Variants in XKR9 observed in about 807,000 individuals in gnomAD.
The protein encoded by XKR9 is XK related 9.
Under a neutral mutation model 32.0 loss-of-function variants are expected in XKR9, and 32 were observed. The ratio of observed to expected loss-of-function variants is 1.00; its 90% CI spans 0.76 to 1.34. XKR9 has a LOEUF of 1.34. Among genes scored for constraint, XKR9 ranks in the 40% most tolerant of loss-of-function variants. The probability of loss-of-function intolerance (pLI) is 0.00; values close to 1 mark genes in which losing one functional copy is unlikely to be tolerated. For synonymous variants in XKR9, 168 were observed against 143.4 expected, an observed-to-expected ratio of 1.17 and a Z score of -1.22; for missense variants, 546 against 429.7, an observed-to-expected ratio of 1.27 and a Z score of -2.39.
At chr8:71,031,248 T>A in the XKR9 span, among the ~76,000 whole-genome samples, 1 of 152,220 alleles carries the variant, frequency 6.6e-6, no homozygotes, top group South Asian at 2.1e-4. Context: ...ATTTTTATAA[T>A]GGATTTTTAT....
chr8:70,767,593 T>C (rs1183068998), intron 2 of XKR9, among the ~76,000 whole-genome samples: 1 of 149,744 alleles, frequency 6.7e-6, no homozygotes, highest in African/African-American at 2.5e-5. Context: ...GCCTCCTGGG[T>C]TCACGTCATT....
the XKR9 span, among the ~76,000 whole-genome samples, chr8:70,933,126 G>A: frequency 6.6e-6 from 1 of 152,228 alleles, no homozygotes; most frequent in South Asian, 2.1e-4. Flanking sequence ...TGAGGATACT[G>A]TAAAGGAGAA....
chr8:70,979,487 G>T, the XKR9 span, among the ~76,000 whole-genome samples: 1 of 152,212 alleles, frequency 6.6e-6, no homozygotes, highest in African/African-American at 2.4e-5. Flanking sequence ...CCTTCTAACA[G>T]TCAGGTCCCT....
At chr8:70,753,861 A>G (rs1256132155) in intron 2 of XKR9, among the ~76,000 whole-genome samples, 1 of 148,790 alleles carries the variant, frequency 6.7e-6, no homozygotes, top group Non-Finnish European at 1.5e-5. Context: ...GGCACAAGAC[A>G]GGGATGCCCT....
chr8:70,705,692 GT>G (rs1434732822), intron 3 of XKR9, among the ~76,000 whole-genome samples: 2 of 152,120 alleles, frequency 1.3e-5, no homozygotes, highest in Non-Finnish European at 2.9e-5. Flanking sequence ...TTCGGATTTC[GT>G]TCTAAGTTTG....
At chr8:71,019,919 TA>T in the XKR9 span, among the ~76,000 whole-genome samples, 5 of 152,222 alleles carry the variant, frequency 3.3e-5, no homozygotes, top group Admixed American at 3.3e-4. Context: ...TAAAGTCATA[TA>T]AAATACTGAC....
chr8:70,689,553 C>T (rs565964068), intron 3 of XKR9, among the ~76,000 whole-genome samples: 1 of 150,490 alleles, frequency 6.6e-6, no homozygotes, highest in African/African-American at 2.4e-5. Context: ...ATTTATCATA[C>T]TTGCATACAT....
the XKR9 span, among the ~76,000 whole-genome samples, chr8:70,882,528 CT>C: frequency 6.6e-6 from 1 of 151,732 alleles, no homozygotes; most frequent in African/African-American, 2.4e-5. Context: ...AAAATTCACT[CT>C]TTTGGTATAG....
At chr8:70,892,040 CTTAAAGTCTGT>C in the XKR9 span, among the ~76,000 whole-genome samples, 1 of 151,986 alleles carries the variant, frequency 6.6e-6, no homozygotes, top group African/African-American at 2.4e-5. Flanking sequence ...CAATTTTCCA[CTTAAAGTCTGT>C]TTTATCCAAT....
At chr8:70,737,025 G>A (rs1806875736), downstream of XKR9, among the ~76,000 whole-genome samples, 1 of 152,150 alleles carries the variant, frequency 6.6e-6, no homozygotes, top group Non-Finnish European at 1.5e-5. Flanking sequence ...GTAGCTTTAT[G>A]GGGATGACAT....
chr8:70,822,545 T>A, the XKR9 span, among the ~76,000 whole-genome samples: 2 of 150,736 alleles, frequency 1.3e-5, no homozygotes, highest in African/African-American at 2.4e-5. Context: ...GAATTATATG[T>A]TTATAATAAT....
chr8:70,743,714 T>C (rs1312027537), intron 2 of XKR9, among the ~76,000 whole-genome samples: 1 of 152,172 alleles, frequency 6.6e-6, no homozygotes, highest in Non-Finnish European at 1.5e-5. Flanking sequence ...ATTTTTCTCC[T>C]AGATTTTCCA....
chr8:70,702,336 T>C (rs1805568523), intron 3 of XKR9, among the ~76,000 whole-genome samples: 1 of 152,174 alleles, frequency 6.6e-6, no homozygotes, highest in African/African-American at 2.4e-5. Context: ...CTTGTTTTTA[T>C]AGCCCAGCAT....
chr8:70,735,162 T>A lies in XKR9; in HGVS notation c.*738T>A, dbSNP rs1233187561. ...TTAATCACTTTGAGTGTACAGTTCATCAGTGTTAACTGTATTCACCTTGTG... is the reference window on the plus strand; with the variant it reads ...TTAATCACTTTGAGTGTACAGTTCAACAGTGTTAACTGTATTCACCTTGTG... On this transcript the variant is annotated 3_prime_UTR_variant, in exon 5 of 5. Coordinates refer to ENST00000408926, the MANE Select transcript of XKR9 (RefSeq NM_001011720.2). 1.3e-5 allele frequency: 2 copies of A among 152,056 alleles called. No individual in the cohort carries two copies. Among genetic ancestry groups the A allele is most frequent in the African/African-American group, 2.4e-5 (1 of 41,442 alleles). The allele number at this position is 152,056 out of a possible 1,614,324, so 9.4% of individuals were successfully genotyped here. A position where few individuals can be genotyped will look rare whatever the true frequency, so the allele number is the denominator to read the frequency against.
rs368215991 is a variant in XKR9 at position 70,671,423 on chromosome 8, G to A, written c.-361+1885G>A. ...ATGTATACATGTGCCATGCTGGTGC[G>A]CTGCACCCACTAATGTGTCATCTAG... On this transcript the variant is annotated intron_variant, in intron 1 of 4. Transcript: ENST00000408926. Among the ~76,000 whole-genome samples, 7 of 56,100 alleles carry A rather than the reference G, an allele frequency of 1.2e-4. 1 individual carries two copies. Among genetic ancestry groups the A allele is most frequent in the South Asian group, 1.0e-3 (3 of 2,876 alleles). The allele number at this position is 56,100 out of a possible 152,430, so 36.8% of individuals were successfully genotyped here.
rs779106012 is a variant in XKR9, at chr8:70,734,421, A to G, written c.1119A>G (p.Glu373=). 6.4e-7 allele frequency: 1 copy of G among 1,555,776 alleles called. No individual in the cohort carries two copies. Among genetic ancestry groups the G allele is most frequent in the South Asian group, 1.2e-5 (1 of 81,116 alleles). The change falls in exon 5 of 5, where the codon GAA becomes GAG. Residue 373 remains glutamate, a synonymous_variant. Transcript: ENST00000408926. ...GTAGAATGAGATATTTCCTAATGGA[A>G]TAAGCTATTCATTTATGATATATAT... ...RECRMRYFLM[E]
chr8:71,041,642 T>G, the XKR9 span, among the ~76,000 whole-genome samples: 1 of 152,126 alleles, frequency 6.6e-6, no homozygotes, highest in Non-Finnish European at 1.5e-5. Context: ...ATTGGATCAT[T>G]TGAGTGGTTT....
At chr8:71,009,112 C>A in the XKR9 span, among the ~76,000 whole-genome samples, 1 of 151,688 alleles carries the variant, frequency 6.6e-6, no homozygotes, top group Non-Finnish European at 1.5e-5. Context: ...CTGAGCTAAT[C>A]AGCACTATGG....
At chr8:70,716,343 C>T (rs1313172974) in intron 4 of XKR9, among the ~76,000 whole-genome samples, 5 of 151,938 alleles carry the variant, frequency 3.3e-5, no homozygotes, top group African/African-American at 9.7e-5. Context: ...GTGTATTAGT[C>T]CATTCTCATG....
Sources: gnomAD v4.1 joint callset for allele counts (sites outside exome capture counted in the v4.1 genomes callset) on GRCh38, gnomAD v4.1.1 for gene constraint, MANE v1.5 for transcripts, NCBI Gene and HGNC (gene_info 2026-07-23, HGNC 2026-07-21) for gene names.